The following RIMS1 variants were observed in gnomAD, a reference collection of about 807,000 sequenced individuals.
The protein encoded by RIMS1 is regulating synaptic membrane exocytosis 1, also known as regulating synaptic membrane exocytosis protein 1.
Under a neutral mutation model 214.1 loss-of-function variants are expected in RIMS1, and 83 were observed. The observed-to-expected ratio is 0.39, with a 90% CI of 0.32 to 0.47. The LOEUF is 0.47. Among genes scored for constraint, RIMS1 ranks in the 20% least tolerant of loss-of-function variants. The probability of loss-of-function intolerance (pLI) is 0.99; values close to 1 mark genes in which losing one functional copy is unlikely to be tolerated. For synonymous variants in RIMS1, 793 were observed against 786.8 expected (o/e 1.01, Z -0.13); for missense variants, 2,050 against 2,161.8 (o/e 0.95, Z 1.03).
intron 4 of RIMS1, among the ~76,000 whole-genome samples, chr6:72,109,901 G>C (rs2035667206): frequency 1.3e-5 from 2 of 151,198 alleles, no homozygotes; most frequent in African/African-American, 4.9e-5. Context: ...AAGGGATCCA[G>C]TTTCAGCTTT....
intron 1 of RIMS1, among the ~76,000 whole-genome samples, chr6:71,949,418 C>T (rs958428340): frequency 1.3e-5 from 2 of 152,056 alleles, no homozygotes; most frequent in Admixed American, 6.6e-5. Flanking sequence ...ACATTTTTTG[C>T]AAGCAACCAC....
intron 2 of RIMS1, among the ~76,000 whole-genome samples, chr6:72,014,917 G>A (rs147732509): frequency 3.9e-5 from 6 of 151,996 alleles, no homozygotes; most frequent in East Asian, 3.9e-4. Flanking sequence ...TTTCTTTTCC[G>A]GCTCAGATTT....
chr6:72,292,192 A>T (rs1397520694), intron 26 of RIMS1, 146 bp downstream of exon 26: 1 of 576,260 alleles, frequency 1.7e-6, no homozygotes, highest in Non-Finnish European at 3.1e-6. Flanking sequence ...TTTTATCCCC[A>T]ACACCTAGTG....
chr6:72,256,145 A>T (rs575237665), intron 16 of RIMS1, among the ~76,000 whole-genome samples: 1 of 152,264 alleles, frequency 6.6e-6, no homozygotes, highest in East Asian at 1.9e-4. Context: ...AAGCAACTAT[A>T]AATGTAAAAA....
intron 4 of RIMS1, among the ~76,000 whole-genome samples, chr6:72,178,294 G>T (rs948554764): frequency 6.6e-6 from 1 of 151,820 alleles, no homozygotes; most frequent in African/African-American, 2.4e-5. Context: ...CTTTTTTCCT[G>T]TCTTTTTCTT....
At chr6:71,921,678 T>C (rs975322664) in intron 1 of RIMS1, among the ~76,000 whole-genome samples, 4 of 152,198 alleles carry the variant, frequency 2.6e-5, no homozygotes, top group Non-Finnish European at 4.4e-5. Context: ...TTTTCATAAG[T>C]AGTGAATCAT....
chr6:72,050,884 G>T (rs576165964), intron 2 of RIMS1, among the ~76,000 whole-genome samples: 1 of 152,258 alleles, frequency 6.6e-6, no homozygotes, highest in East Asian at 1.9e-4. Flanking sequence ...TTGCCAAATG[G>T]TGGGAATGCA....
intron 31 of RIMS1, among the ~76,000 whole-genome samples, chr6:72,396,690 G>A (rs752987859): frequency 1.3e-5 from 2 of 152,148 alleles, no homozygotes; most frequent in African/African-American, 2.4e-5. Flanking sequence ...ACTAAGTGAA[G>A]AAGGAAAATT....
intron 2 of RIMS1, among the ~76,000 whole-genome samples, chr6:72,063,335 C>T (rs1211634310): frequency 1.3e-5 from 2 of 152,122 alleles, no homozygotes; most frequent in African/African-American, 4.8e-5. Flanking sequence ...GAGCTGGGGG[C>T]ATGTGACTCC....
At chr6:72,348,098 C>T (rs1201459626) in intron 29 of RIMS1, among the ~76,000 whole-genome samples, 1 of 151,870 alleles carries the variant, frequency 6.6e-6, no homozygotes, top group Non-Finnish European at 1.5e-5. Context: ...TTTCATTTAA[C>T]ATTGTGACAA....
chr6:71,898,708 A>G (rs984205385), intron 1 of RIMS1, among the ~76,000 whole-genome samples: 2 of 152,186 alleles, frequency 1.3e-5, no homozygotes, highest in African/African-American at 4.8e-5. Context: ...AAGAGTTGGC[A>G]GGAAAGATGG....
chr6:72,043,975 G>T (rs1391688794), intron 2 of RIMS1, among the ~76,000 whole-genome samples: 1 of 151,226 alleles, frequency 6.6e-6, no homozygotes, highest in Non-Finnish European at 1.5e-5. Context: ...TGCTTTGCCA[G>T]CTTTTTCTTT....
intron 1 of RIMS1, among the ~76,000 whole-genome samples, chr6:71,954,445 G>A (rs1177655608): frequency 6.6e-6 from 1 of 152,046 alleles, no homozygotes; most frequent in East Asian, 1.9e-4. Context: ...AATTCATCTT[G>A]ATGCAAAATT....
At chr6:72,014,951 A>T (rs1317445769) in intron 2 of RIMS1, among the ~76,000 whole-genome samples, 1 of 152,034 alleles carries the variant, frequency 6.6e-6, no homozygotes, top group Non-Finnish European at 1.5e-5. Flanking sequence ...TTCTCTTTTT[A>T]TTATTGTATT....
At chr6:72,359,462 C>G (rs1032080150) in intron 29 of RIMS1, among the ~76,000 whole-genome samples, 1 of 151,962 alleles carries the variant, frequency 6.6e-6, no homozygotes, top group Admixed American at 6.6e-5. Flanking sequence ...GGCTGTTTCC[C>G]TAAAAGCAAT....
At chr6:71,931,903 AC>A (rs1459710145) in intron 1 of RIMS1, among the ~76,000 whole-genome samples, 2 of 152,126 alleles carry the variant, frequency 1.3e-5, no homozygotes, top group Admixed American at 1.3e-4. Context: ...TTAGAGAAAC[AC>A]AAAAATCAAA....
chr6:72,169,693 C>T (rs1433607223), intron 4 of RIMS1, among the ~76,000 whole-genome samples: 2 of 152,094 alleles, frequency 1.3e-5, no homozygotes, highest in African/African-American at 2.4e-5. Flanking sequence ...TGCTTGAGCT[C>T]AGGAGTTCAA....
intron 4 of RIMS1, among the ~76,000 whole-genome samples, chr6:72,162,089 T>C (rs1000061955): frequency 2.8e-5 from 4 of 141,002 alleles, no homozygotes; most frequent in African/African-American, 7.4e-5. Flanking sequence ...GGTGCACATA[T>C]ATTTAGGATA....
chr6:71,957,613 G>A (rs1791663577), intron 1 of RIMS1, among the ~76,000 whole-genome samples: 1 of 150,392 alleles, frequency 6.6e-6, no homozygotes, highest in South Asian at 2.1e-4. Context: ...AAATACCAGG[G>A]TTAATTAGAA....
Sources: allele counts gnomAD v4.1 joint callset (sites outside exome capture counted in the v4.1 genomes callset), GRCh38; gene constraint gnomAD v4.1.1; transcripts MANE v1.5; gene names NCBI Gene and HGNC (gene_info 2026-07-23, HGNC 2026-07-21).